OR2L13: variants seen among roughly 807,000 people sequenced by gnomAD.
OR2L13 encodes the protein olfactory receptor 2L13.
In OR2L13, 14 loss-of-function variants were observed where a neutral mutation model predicts 15.3. That is an observed-to-expected ratio of 0.91 (90% CI 0.60 to 1.43). OR2L13 has a LOEUF of 1.43. OR2L13 is among the 40% of genes most tolerant of loss of function. The pLI is 0.00. For synonymous variants in OR2L13, 152 were observed against 142.9 expected (o/e 1.06, Z -0.45); for missense variants, 367 against 387.9 (o/e 0.95, Z 0.45).
the OR2L13 span, among the ~76,000 whole-genome samples, chr1:248,025,489 A>C: frequency 4.0e-5 from 6 of 149,346 alleles, no homozygotes; most frequent in East Asian, 3.9e-4. Context: ...GAACACTTTT[A>C]CACTGTTGGT....
the OR2L13 span, among the ~76,000 whole-genome samples, chr1:248,066,225 A>T: frequency 1.3e-5 from 2 of 152,230 alleles, no homozygotes; most frequent in African/African-American, 2.4e-5. Flanking sequence ...TCTTGTGAAG[A>T]TTCCCATGTA....
At chr1:248,062,168 G>A in the OR2L13 span, 1 of 152,868 alleles carries the variant, frequency 6.5e-6, no homozygotes, top group Non-Finnish European at 1.5e-5. Flanking sequence ...CTTAAGTCCT[G>A]ATACCACTCT....
the OR2L13 span, among the ~76,000 whole-genome samples, chr1:247,986,674 T>C: frequency 6.6e-6 from 1 of 152,214 alleles, no homozygotes; most frequent in Admixed American, 6.5e-5. Context: ...TTGATGGGGA[T>C]GGCATTGGAT....
At chr1:247,956,958 C>G in the OR2L13 span, among the ~76,000 whole-genome samples, 1 of 152,216 alleles carries the variant, frequency 6.6e-6, no homozygotes, top group South Asian at 2.1e-4. Flanking sequence ...CCTGATTGCC[C>G]TGGCCAGAAC....
chr1:247,950,957 G>A, the OR2L13 span, among the ~76,000 whole-genome samples: 1 of 151,956 alleles, frequency 6.6e-6, no homozygotes, highest in Non-Finnish European at 1.5e-5. Flanking sequence ...ACATATTTGG[G>A]GTGCTGGTTA....
At chr1:248,003,060 C>T in the OR2L13 span, 2 of 806,538 alleles carry the variant, frequency 2.5e-6, no homozygotes, top group African/African-American at 3.3e-5. Context: ...GATTGAAATT[C>T]TGCGGATAAG....
At chr1:247,957,601 T>C in the OR2L13 span, among the ~76,000 whole-genome samples, 2 of 152,218 alleles carry the variant, frequency 1.3e-5, no homozygotes, top group African/African-American at 4.8e-5. Context: ...AAGATATTAA[T>C]TATTGCCTCA....
chr1:248,099,293 G>GT, intron 2 of OR2L13, 65 bp from the exon 3 acceptor site: 1 of 929,200 alleles, frequency 1.1e-6, no homozygotes, highest in East Asian at 2.4e-5. Context: ...GTTCCTTTTT[G>GT]TTTTTCTATT....
the OR2L13 span, among the ~76,000 whole-genome samples, chr1:247,959,529 G>A: frequency 1.1e-4 from 16 of 151,762 alleles, no homozygotes; most frequent in Admixed American, 7.9e-4. Context: ...ATAATATCCT[G>A]CAGAGTGTTT....
chr1:247,990,918 T>C, the OR2L13 span: 4 of 1,479,880 alleles, frequency 2.7e-6, no homozygotes, highest in Non-Finnish European at 2.8e-6. Flanking sequence ...CATGTTCCTA[T>C]GGCCGGATTC....
chr1:247,973,966 G>C, the OR2L13 span, among the ~76,000 whole-genome samples: 3 of 152,162 alleles, frequency 2.0e-5, no homozygotes, highest in South Asian at 2.1e-4. Context: ...CTAGTATAAA[G>C]ACACAGACAC....
At chr1:248,023,864 C>G in the OR2L13 span, 1 of 152,144 alleles carries the variant, frequency 6.6e-6, no homozygotes, top group Admixed American at 6.5e-5. Context: ...CTGCATTATA[C>G]AACTTTCCAT....
the OR2L13 span, among the ~76,000 whole-genome samples, chr1:248,024,816 A>C: frequency 2.0e-5 from 3 of 152,114 alleles, no homozygotes; most frequent in African/African-American, 7.2e-5. Context: ...ATAGCCTTGT[A>C]GTATAGTTTG....
the OR2L13 span, among the ~76,000 whole-genome samples, chr1:248,090,102 C>T: frequency 6.6e-6 from 1 of 152,278 alleles, no homozygotes; most frequent in East Asian, 1.9e-4. Flanking sequence ...GCTCACTTCT[C>T]CTTGCTTGCC....
At chr1:247,987,046 C>T in the OR2L13 span, among the ~76,000 whole-genome samples, 2 of 150,706 alleles carry the variant, frequency 1.3e-5, no homozygotes, top group African/African-American at 5.0e-5. Context: ...CTAAGTGTTT[C>T]ATTTTTTTTG....
chr1:247,990,850 G>A, the OR2L13 span: 7 of 1,559,200 alleles, frequency 4.5e-6, no homozygotes, highest in South Asian at 6.7e-5. Context: ...CTGGGTCTAT[G>A]AGTGCACGGT....
At chr1:248,077,564 T>C in the OR2L13 span, among the ~76,000 whole-genome samples, 6 of 152,214 alleles carry the variant, frequency 3.9e-5, no homozygotes, top group Admixed American at 1.3e-4. Flanking sequence ...TCTGGTTTAG[T>C]CTTGGTAGAG....
the OR2L13 span, chr1:248,040,614 A>G: frequency 1.3e-5 from 2 of 152,158 alleles, no homozygotes; most frequent in African/African-American, 4.8e-5. Flanking sequence ...CTTTCTGATG[A>G]TTTTCTCAAT....
the OR2L13 span, among the ~76,000 whole-genome samples, chr1:248,078,566 A>T: frequency 6.6e-6 from 1 of 152,224 alleles, no homozygotes; most frequent in East Asian, 1.9e-4. Context: ...TATATTTATT[A>T]TACCACACCA....
Sources: allele counts gnomAD v4.1 joint callset (sites outside exome capture counted in the v4.1 genomes callset), GRCh38; gene constraint gnomAD v4.1.1; transcripts MANE v1.5; gene names NCBI Gene and HGNC (gene_info 2026-07-23, HGNC 2026-07-21).